The following GNAS variants were observed in gnomAD, a reference collection of about 807,000 sequenced individuals.
The protein encoded by GNAS is GNAS complex locus.
A neutral mutation model predicts 54.5 loss-of-function variants in GNAS; 8 were observed. The observed-to-expected ratio is 0.15, with a 90% CI of 0.09 to 0.26. The LOEUF (loss-of-function observed/expected upper bound fraction) is 0.26, where lower values mean the gene tolerates loss of function less well. Among genes scored for constraint, GNAS ranks in the 10% least tolerant of loss-of-function variants. The probability of loss-of-function intolerance (pLI) is 1.00; values close to 1 mark genes in which losing one functional copy is unlikely to be tolerated. For synonymous variants in GNAS, 204 were observed against 191.4 expected, an observed-to-expected ratio of 1.07 and a Z score of -0.54; for missense variants, 170 against 529.8, an observed-to-expected ratio of 0.32 and a Z score of 6.67.
At chr20:58,871,613 G>GAAAAAAAAAAAAAAAAAAAACAACAAAA (rs757702769) in intron 1 of GNAS, among the ~76,000 whole-genome samples, 1 of 32,734 alleles carries the variant, frequency 3.1e-5, no homozygotes, top group Non-Finnish European at 7.1e-5. Context: ...ATACTCCGTC[G>GAAAAAAAAAAAAAAAAAAAACAACAAAA]AAAAAAAAAA....
At chr20:58,907,649 C>G (rs1213884787) in intron 6 of GNAS, among the ~76,000 whole-genome samples, 1 of 152,068 alleles carries the variant, frequency 6.6e-6, no homozygotes, top group African/African-American at 2.4e-5. Flanking sequence ...TTTTTTTAAG[C>G]AACACTTAAT....
intron 2 of GNAS, among the ~76,000 whole-genome samples, chr20:58,896,769 C>A (rs554477189): frequency 6.6e-6 from 1 of 152,278 alleles, no homozygotes; most frequent in African/African-American, 2.4e-5. Context: ...CAGTCCTGTT[C>A]CCTTTCTTAA....
chr20:58,909,930 A>G lies in GNAS; in HGVS notation c.840-21A>G. The G allele has an allele frequency of 6.2e-7, 1 of 1,614,096 alleles. No homozygotes were observed. The highest frequency in any genetic ancestry group is 8.5e-7 in the Non-Finnish European group (1 of 1,179,960). ...GAAAGCGCGCTTCTCCCAAGCATTC[A>G]CACGGCCTCCCTTCTTGTAGATGGC... is the stretch of plus-strand genomic sequence containing the variant. On this transcript the variant is annotated intron_variant, in intron 10 of 12. Coordinates refer to ENST00000371085, the MANE Select transcript of GNAS (RefSeq NM_000516.7). This position sits in a 1 kb window ranked among gnomAD's most constrained non-coding sequence, Gnocchi z 7.3.
intron 2 of GNAS, chr20:58,898,193 C>G (rs2090252913): frequency 6.6e-6 from 1 of 152,234 alleles, no homozygotes; most frequent in African/African-American, 2.4e-5. Flanking sequence ...CTGTAGAATG[C>G]TGCCCTTCGG....
At chr20:58,892,141 C>G (rs1235662771) in intron 1 of GNAS, 2 of 960,430 alleles carry the variant, frequency 2.1e-6, no homozygotes, top group African/African-American at 3.6e-5. Context: ...CTTGCTCTCG[C>G]TCTCGCTCTC....
At position 58,853,272 on chromosome 20, in the gene GNAS, G is replaced by C; in HGVS notation, c.43+12386G>C. 6.5e-7 allele frequency: 1 copy of C among 1,546,198 alleles called. No individual in the cohort carries two copies. The highest frequency in any genetic ancestry group is 8.7e-7 in the Non-Finnish European group (1 of 1,143,698). The stretch of plus-strand genomic sequence containing the variant: ...GAGAGGCCGCCACCGTGTTATGGGC[G>C]TGCGCAACTGCCTCTACGGCAATAA... On this transcript the variant is annotated intron_variant, in intron 1 of 12. Transcript: ENST00000306090. The surrounding 1 kb of genome is among the most constrained non-coding windows in gnomAD (Gnocchi z 4.4).
At chr20:58,864,349 C>T (rs1031548015) in intron 1 of GNAS, among the ~76,000 whole-genome samples, 2 of 151,938 alleles carry the variant, frequency 1.3e-5, no homozygotes, top group African/African-American at 4.8e-5. Flanking sequence ...TTTGGGGGGG[C>T]CTTCATGGGC....
rs772199029 is a variant in GNAS at position 58,910,984 on chromosome 20, A to G, written c.*155A>G. 3.9e-6 allele frequency: 3 copies of G among 774,104 alleles called. No homozygotes were observed. In the Admixed American group the frequency reaches 6.0e-5, roughly 15 times the overall value. The allele number at this position is 774,104 out of a possible 1,614,324, so 48.0% of individuals were successfully genotyped here. On this transcript the variant is annotated 3_prime_UTR_variant, in exon 13 of 13. Transcript: ENST00000371085. This position sits in a 1 kb window ranked among gnomAD's most constrained non-coding sequence, Gnocchi z 5.8. Reference sequence around the variant, plus strand: ...TTTTGCGAAACCCCCTTTTCCCTTCAGCTTGCTTAGATGTTCCAAATTTAG... The same window carrying G: ...TTTTGCGAAACCCCCTTTTCCCTTCGGCTTGCTTAGATGTTCCAAATTTAG...
chr20:58,877,817 T>C (rs1380964358), intron 1 of GNAS, among the ~76,000 whole-genome samples: 3 of 152,192 alleles, frequency 2.0e-5, no homozygotes, highest in African/African-American at 4.8e-5. Context: ...GAGGCACCTA[T>C]TGTGTTGCCA....
At position 58,910,593 on chromosome 20, in the gene GNAS, T is replaced by C. The variant is rs1601171290; in HGVS notation, c.1039-90T>C. The C allele has an allele frequency of 6.7e-7, 1 of 1,491,282 alleles. No individual in the cohort carries two copies. The highest frequency in any genetic ancestry group is 2.3e-5 in the East Asian group (1 of 44,058). The allele number at this position is 1,491,282 out of a possible 1,614,324, so 92.4% of individuals were successfully genotyped here. A position where few individuals can be genotyped will look rare whatever the true frequency, so the allele number is the denominator to read the frequency against. On this transcript the variant is annotated intron_variant, in intron 12 of 12. Coordinates refer to ENST00000371085, the MANE Select transcript of GNAS (RefSeq NM_000516.7). This position sits in a 1 kb window ranked among gnomAD's most constrained non-coding sequence, Gnocchi z 5.8. ...TTTTCATATGACATCAGAGGCTGGCTGACAGCCGTCCCTGGTAGGTGTCCC... is the reference window on the plus strand; with the variant it reads ...TTTTCATATGACATCAGAGGCTGGCCGACAGCCGTCCCTGGTAGGTGTCCC...
intron 1 of GNAS, among the ~76,000 whole-genome samples, chr20:58,844,611 C>T (rs943907445): frequency 2.0e-5 from 3 of 152,112 alleles, no homozygotes; most frequent in Non-Finnish European, 2.9e-5. Flanking sequence ...TCCTATTTAT[C>T]CCTTTCAGCT....
At chr20:58,861,214 G>C (rs1187434855) in intron 1 of GNAS, among the ~76,000 whole-genome samples, 1 of 152,114 alleles carries the variant, frequency 6.6e-6, no homozygotes. Context: ...CAAATGTGAG[G>C]TTCCTCTCAA....
At chr20:58,893,022 C>T (rs542305118) in intron 1 of GNAS, among the ~76,000 whole-genome samples, 4 of 146,190 alleles carry the variant, frequency 2.7e-5, no homozygotes, top group South Asian at 2.2e-4. Context: ...TGGAGAATGA[C>T]ATTTGTCTGT....
chr20:58,909,210 C>T lies in GNAS; in HGVS notation c.579C>T (p.Ser193=), dbSNP rs751232686. ...DVIKQADYVP[S]DQDLLRCRVL... ...TCAAGCAGGCTGACTATGTGCCGAG[C>T]GATCAGGTGTGCAAAACCCCTCCCC... Residue 193 remains serine (S), a synonymous_variant, in exon 7 of 13, where the codon AGC becomes AGT. Coordinates refer to ENST00000371085, the MANE Select transcript of GNAS (RefSeq NM_000516.7). The surrounding 1 kb of genome is among the most constrained non-coding windows in gnomAD (Gnocchi z 7.3). The T allele has an allele frequency of 3.1e-6, 5 of 1,613,596 alleles. No homozygotes were observed. The highest frequency in any genetic ancestry group is 3.3e-5 in the Admixed American group (2 of 59,994).
At chr20:58,904,761 GAAA>G (rs905036725) in intron 5 of GNAS, among the ~76,000 whole-genome samples, 1 of 151,320 alleles carries the variant, frequency 6.6e-6, no homozygotes, top group Non-Finnish European at 1.5e-5. Context: ...GCATTATTTT[GAAA>G]AAAAAGCAAT....
intron 1 of GNAS, among the ~76,000 whole-genome samples, chr20:58,878,370 T>A (rs1408884988): frequency 6.6e-6 from 1 of 152,224 alleles, no homozygotes; most frequent in Non-Finnish European, 1.5e-5. Context: ...CACTTCTAAT[T>A]TGATGGTTAT....
At chr20:58,904,232 G>A (rs1171237798) in intron 5 of GNAS, among the ~76,000 whole-genome samples, 1 of 152,148 alleles carries the variant, frequency 6.6e-6, no homozygotes, top group Non-Finnish European at 1.5e-5. Flanking sequence ...CACTGGAAGT[G>A]CCCTAAGGTA....
intron 6 of GNAS, among the ~76,000 whole-genome samples, chr20:58,907,387 C>T (rs2091137931): frequency 6.6e-6 from 1 of 152,124 alleles, no homozygotes; most frequent in South Asian, 2.1e-4. Context: ...CTCAAAAGTT[C>T]GAACCAAAAG....
In GNAS at chr20:58,910,706, T is replaced by C; in HGVS notation, c.1062T>C (p.Asp354=). The C allele has an allele frequency of 6.2e-7, 1 of 1,614,146 alleles. No individual in the cohort carries two copies. Among genetic ancestry groups the C allele is most frequent in the Non-Finnish European group, 8.5e-7 (1 of 1,180,006 alleles). The part of the protein sequence containing the change: ...EFLRISTASG[D]GRHYCYPHFT... ...AGAGGATCAGCACTGCCAGTGGAGA[T>C]GGGCGTCACTACTGCTACCCTCATT... Residue 354 remains aspartate (D), a synonymous_variant, in exon 13 of 13, where the codon GAT becomes GAC. Transcript: ENST00000371085. This position sits in a 1 kb window ranked among gnomAD's most constrained non-coding sequence, Gnocchi z 5.8.
Sources: gnomAD v4.1 joint callset for allele counts (sites outside exome capture counted in the v4.1 genomes callset) on GRCh38, gnomAD v4.1.1 for gene constraint, Gnocchi (gnomAD v3.1) non-coding constraint, MANE v1.5 for transcripts, NCBI Gene and HGNC (gene_info 2026-07-23, HGNC 2026-07-21) for gene names.